RGMA: variants seen among roughly 807,000 people sequenced by gnomAD.
The protein encoded by RGMA is repulsive guidance molecule A.
A neutral mutation model predicts 23.2 loss-of-function variants in RGMA; 10 were observed. That is an observed-to-expected ratio of 0.43 (90% CI 0.27 to 0.73). The LOEUF is 0.73. RGMA is among the 30% of genes least tolerant of loss of function. The pLI is 0.20. For synonymous variants in RGMA, 308 were observed against 279.3 expected (o/e 1.10, Z -1.03); for missense variants, 547 against 630.5 (o/e 0.87, Z 1.42).
chr15:93,073,100 C>T (rs1895390546), intron 1 of RGMA, 69 bp from the exon 2 acceptor site: 1 of 1,407,104 alleles, frequency 7.1e-7, no homozygotes, highest in Non-Finnish European at 9.3e-7. Flanking sequence ...CCTCGCTCCG[C>T]CGGCGGGAGC....
chr15:93,066,749 G>A, intron 2 of RGMA: 2 of 327,182 alleles, frequency 6.1e-6, no homozygotes, highest in Non-Finnish European at 1.2e-5. Context: ...CTGACCTCAA[G>A]TGATCCACCC....
chr15:93,077,718 T>C (rs1895495142), intron 1 of RGMA, among the ~76,000 whole-genome samples: 1 of 152,048 alleles, frequency 6.6e-6, no homozygotes, highest in African/African-American at 2.4e-5. Context: ...CGTGACATAG[T>C]GTGTGTGTGT....
At chr15:93,071,871 G>C (rs1199709463) in intron 2 of RGMA, among the ~76,000 whole-genome samples, 1 of 152,228 alleles carries the variant, frequency 6.6e-6, no homozygotes, top group East Asian at 1.9e-4. Flanking sequence ...TTTTCAAAAA[G>C]ACACCTCTGA....
chr15:93,066,102 T>G (rs1347571613), intron 2 of RGMA: 4 of 1,448,938 alleles, frequency 2.8e-6, no homozygotes, highest in Non-Finnish European at 3.9e-6. Flanking sequence ...GAAACTTACG[T>G]AGGTTGGGGG....
chr15:93,065,562 C>G, intron 2 of RGMA: 1 of 711,248 alleles, frequency 1.4e-6, no homozygotes. Context: ...GATGGCAGCT[C>G]TGGGTGTCCT....
At position 93,045,375 on chromosome 15, in the gene RGMA, C is replaced by G. The variant is rs748795882; in HGVS notation, c.976G>C (p.Asp326His). Residue 326 changes from aspartate to histidine, a missense_variant, in exon 4 of 4, where the codon GAC becomes CAC. Asp to His is a moderately conservative substitution (Grantham distance 81). Around this residue, in one of 3 missense-constraint regions of RGMA, gnomAD observed 205 missense variants for 204.1 expected, o/e 1.00. Transcript: ENST00000329082. This position sits in a 1 kb window ranked among gnomAD's most constrained non-coding sequence, Gnocchi z 6.9. ...LRGCPLNQQI[D>H]FQAFHTNAEG... Reference sequence around the variant, plus strand: ...GCATTGGTGTGGAAGGCCTGGAAGTCGATCTGCTGGTTGAGGGGGCAGCCC... The same window carrying G: ...GCATTGGTGTGGAAGGCCTGGAAGTGGATCTGCTGGTTGAGGGGGCAGCCC... 6.2e-7 allele frequency: 1 copy of G among 1,611,756 alleles called. No homozygotes were observed. Among genetic ancestry groups the G allele is most frequent in the African/African-American group, 1.3e-5 (1 of 74,590 alleles).
intron 2 of RGMA, chr15:93,065,878 C>A: frequency 1.4e-6 from 1 of 731,046 alleles, no homozygotes; most frequent in Non-Finnish European, 2.5e-6. Flanking sequence ...GGGCTCTACC[C>A]CGTCAGTGCT....
chr15:93,075,445 C>T lies in RGMA; in HGVS notation c.15-2414G>A, dbSNP rs1178588845. Among the ~76,000 whole-genome samples the T allele has an allele frequency of 4.6e-5, 7 of 152,264 alleles. No homozygotes were observed. The East Asian group carries it at 1.2e-3, about 25-fold the overall frequency. On this transcript the variant is annotated intron_variant, in intron 1 of 3. Transcript: ENST00000329082. ...CAAAAAAGACAAAGATTCATACAGA[C>T]ACATTGGGATATATGTACAACATAA...
intron 1 of RGMA, chr15:93,088,307 G>A: frequency 1.0e-6 from 1 of 985,644 alleles, no homozygotes; most frequent in Non-Finnish European, 1.2e-6. Context: ...GCGCGAGCCG[G>A]CGCTGAATCG....
At chr15:93,048,189 G>A (rs2054857705) in intron 3 of RGMA, among the ~76,000 whole-genome samples, 1 of 152,210 alleles carries the variant, frequency 6.6e-6, no homozygotes, top group Non-Finnish European at 1.5e-5. Flanking sequence ...GGCTTTGTGG[G>A]TTCCCCATAT....
chr15:93,056,313 G>C (rs1343108286), intron 2 of RGMA, among the ~76,000 whole-genome samples: 2 of 152,220 alleles, frequency 1.3e-5, no homozygotes, highest in African/African-American at 4.8e-5. Context: ...TGCAGGCAAA[G>C]GAGTGGCAAG....
intron 1 of RGMA, among the ~76,000 whole-genome samples, chr15:93,074,554 C>G (rs1381626350): frequency 6.6e-6 from 1 of 152,254 alleles, no homozygotes; most frequent in Non-Finnish European, 1.5e-5. Flanking sequence ...CACAACTCTT[C>G]TTTACGAGGG....
rs2054816937 is a variant in RGMA, at chr15:93,045,842, G to A, written c.646-137C>T. On this transcript the variant is annotated intron_variant, in intron 3 of 3. Transcript: ENST00000329082. This position sits in a 1 kb window ranked among gnomAD's most constrained non-coding sequence, Gnocchi z 6.9. ...CCCCAGACACTCCCTTCTCCAGGTT[G>A]GACAGATCAGTTCCACCTGCGCAGC... 1 of 638,346 alleles carries A rather than the reference G, an allele frequency of 1.6e-6. No individual in the cohort carries two copies. The highest frequency in any genetic ancestry group is 1.8e-5 in the African/African-American group (1 of 55,112). The allele number at this position is 638,346 out of a possible 1,614,324, so 39.5% of individuals were successfully genotyped here.
chr15:93,042,643 G>A lies in RGMA; in HGVS notation c.*2355C>T, dbSNP rs1184371957. On this transcript the variant is annotated 3_prime_UTR_variant, in exon 4 of 4. Coordinates refer to ENST00000329082, the MANE Select transcript of RGMA (RefSeq NM_020211.3). ...CAATACTAACCTAGGTGCACAGGTTGTCCTTCCCGTTGCTAAGGAGCCCTA... is the reference window on the plus strand; with the variant it reads ...CAATACTAACCTAGGTGCACAGGTTATCCTTCCCGTTGCTAAGGAGCCCTA... The A allele has an allele frequency of 3.9e-5, 6 of 152,252 alleles. No individual in the cohort carries two copies. Among genetic ancestry groups the A allele is most frequent in the Non-Finnish European group, 7.3e-5 (5 of 68,054 alleles). The allele number at this position is 152,252 out of a possible 1,614,324, so 9.4% of individuals were successfully genotyped here.
At chr15:93,048,048 G>A (rs1157329491) in intron 3 of RGMA, among the ~76,000 whole-genome samples, 1 of 152,128 alleles carries the variant, frequency 6.6e-6, no homozygotes, top group Non-Finnish European at 1.5e-5. Flanking sequence ...GGGCGGGCTG[G>A]CCCAGGGTCA....
intron 1 of RGMA, among the ~76,000 whole-genome samples, chr15:93,081,106 G>T (rs1338220041): frequency 6.6e-6 from 1 of 152,146 alleles, no homozygotes; most frequent in Non-Finnish European, 1.5e-5. Context: ...GGGATTTGGG[G>T]TGGTCCTAAC....
At chr15:93,083,580 C>T (rs1294866166) in intron 1 of RGMA, among the ~76,000 whole-genome samples, 5 of 152,176 alleles carry the variant, frequency 3.3e-5, no homozygotes, top group African/African-American at 4.8e-5. Flanking sequence ...TAGCCAACCT[C>T]GGCCTCCCAA....
At chr15:93,072,810 A>C in intron 2 of RGMA, 106 bp downstream of exon 2, 1 of 1,237,876 alleles carries the variant, frequency 8.1e-7, no homozygotes, top group African/African-American at 1.5e-5. Context: ...CGGGGTCCGG[A>C]GGAGGTCCGG....
At chr15:93,088,111 A>G (rs892755168) in intron 1 of RGMA, among the ~76,000 whole-genome samples, 2 of 152,236 alleles carry the variant, frequency 1.3e-5, no homozygotes, top group African/African-American at 4.8e-5. Context: ...ACACCACATA[A>G]TAGCAGCTCA....
Sources: gnomAD v4.1 joint callset for allele counts (sites outside exome capture counted in the v4.1 genomes callset) on GRCh38, gnomAD v4.1.1 for gene constraint, gnomAD v4.1.1 regional missense constraint, Gnocchi (gnomAD v3.1) non-coding constraint, MANE v1.5 for transcripts, NCBI Gene and HGNC (gene_info 2026-07-23, HGNC 2026-07-21) for gene names.